Variants in DCBLD1 observed in about 807,000 individuals in gnomAD.
DCBLD1 encodes discoidin, CUB and LCCL domain-containing protein 1.
A neutral mutation model predicts 71.5 loss-of-function variants in DCBLD1; 57 were observed. The observed-to-expected ratio is 0.80, with a 90% CI of 0.64 to 0.99. The LOEUF (loss-of-function observed/expected upper bound fraction) is 0.99. DCBLD1 is among the 50% of genes least tolerant of loss of function. DCBLD1 has a pLI of 0.00. For synonymous variants in DCBLD1, 380 were observed against 363.8 expected, an observed-to-expected ratio of 1.04 and a Z score of -0.51; for missense variants, 891 against 923.5, an observed-to-expected ratio of 0.96 and a Z score of 0.46.
Position 117,545,533 on chromosome 6 carries a change from C to T in DCBLD1, c.1551C>T (p.Thr517=). The T allele has an allele frequency of 6.2e-7, 1 of 1,613,928 alleles. No homozygotes were observed. Among genetic ancestry groups the T allele is most frequent in the South Asian group, 1.1e-5 (1 of 91,050 alleles). The part of the protein sequence containing the change: ...PFARHQSAEF[T]ISYDNEKEMT... ...CCAGACATCAGTCAGCTGAGTTTAC[C>T]ATCAGCTATGATAATGAGAAGGAGA... Residue 517 remains threonine (T), a synonymous_variant, in exon 14 of 15, where the codon ACC becomes ACT. Transcript: ENST00000338728.
chr6:117,499,253 A>AAAAAAC lies in DCBLD1; in HGVS notation c.113-4510_113-4509insACAAAA, dbSNP rs1396538951. 6.0e-5 allele frequency among the ~76,000 whole-genome samples: 9 copies of AAAAAAC among 151,182 alleles called. No individual in the cohort carries two copies. The East Asian group carries it at 1.4e-3, about 23-fold the overall frequency. ...CCCCATCTCTACCAAAAAAAAAAAA[A>AAAAAAC]AAAATCTGCCAGGTGTGGTGGTGTG... On this transcript the variant is annotated intron_variant, in intron 1 of 14. Transcript: ENST00000338728.
chr6:117,556,242 G>A (rs1229097636), intron 14 of DCBLD1, among the ~76,000 whole-genome samples: 1 of 152,028 alleles, frequency 6.6e-6, no homozygotes, highest in Admixed American at 6.6e-5. Flanking sequence ...TATAGGTTTA[G>A]GGGGTAGAAG....
chr6:117,528,671 A>C (rs72963492), intron 5 of DCBLD1, among the ~76,000 whole-genome samples: 17,083 of 152,258 alleles, frequency 0.11, 1,123 homozygotes, highest in Middle Eastern at 0.17. Context: ...TGCCTGAGGC[A>C]TGAAGGTATT....
At chr6:117,504,866 A>G (rs1303896110) in intron 2 of DCBLD1, among the ~76,000 whole-genome samples, 1 of 152,198 alleles carries the variant, frequency 6.6e-6, no homozygotes, top group Non-Finnish European at 1.5e-5. Context: ...AACTTTTAAA[A>G]TGATATAGGT....
downstream of DCBLD1, chr6:117,549,860 C>T: frequency 1.0e-6 from 1 of 985,394 alleles, no homozygotes. Context: ...CAAGGTTCAG[C>T]TTCTGTAAAA....
chr6:117,564,565 A>G (rs1276306727), intron 14 of DCBLD1, among the ~76,000 whole-genome samples: 1 of 152,238 alleles, frequency 6.6e-6, no homozygotes, highest in African/African-American at 2.4e-5. Context: ...ATATATCTAT[A>G]AAGTATAGAC....
rs751823353 is a variant in DCBLD1 at position 117,548,137 on chromosome 6, T to A, written c.1846T>A (p.Ser616Thr). The A allele has an allele frequency of 1.5e-5, 24 of 1,549,950 alleles. No homozygotes were observed. The South Asian group carries it at 2.3e-4, about 15-fold the overall frequency. The change falls in exon 15 of 15, where the codon TCT becomes ACT. Residue 616 changes from serine (S) to threonine (T), a missense_variant. Transcript: ENST00000338728. ...GCACGTGCTGCGCGCCCACACGTTC[T>A]CTGCGCAGAGCGGCTACCGCGTCCC... ...ERHVLRAHTF[S>T]AQSGYRVPGP...
chr6:117,497,911 CACTTGTAA>C (rs1777523107), intron 1 of DCBLD1, among the ~76,000 whole-genome samples: 1 of 152,064 alleles, frequency 6.6e-6, no homozygotes, highest in Non-Finnish European at 1.5e-5. Flanking sequence ...AAATGAAAAT[CACTTGTAA>C]ACTTATACCA....
intron 11 of DCBLD1, among the ~76,000 whole-genome samples, chr6:117,542,764 C>T (rs897975457): frequency 1.3e-4 from 20 of 151,160 alleles, no homozygotes; most frequent in Non-Finnish European, 2.8e-4. Context: ...GTGCTTAAAT[C>T]ATTTACCTGT....
In DCBLD1 at chr6:117,539,398, G is replaced by C. The variant is rs200821669; in HGVS notation, c.1101+19G>C. 1 of 1,592,472 alleles carries C rather than the reference G, an allele frequency of 6.3e-7. No homozygotes were observed. Among genetic ancestry groups the C allele is most frequent in the Non-Finnish European group, 8.5e-7 (1 of 1,174,546 alleles). On this transcript the variant is annotated intron_variant, in intron 9 of 14. Coordinates refer to ENST00000338728, the MANE Select transcript of DCBLD1 (RefSeq NM_001366458.2). The stretch of plus-strand genomic sequence containing the variant: ...AGAAAAGGTAAGAGGTAACCCTAGA[G>C]GCAAGAGAACTGAGTAGGAGAACAG...
intron 11 of DCBLD1, among the ~76,000 whole-genome samples, chr6:117,541,647 C>T (rs1022126956): frequency 1.3e-4 from 20 of 151,952 alleles, no homozygotes; most frequent in Non-Finnish European, 2.6e-4. Context: ...ATTTGCATAT[C>T]AATTTTATAA....
At chr6:117,544,444 C>G in intron 12 of DCBLD1, 84 bp from the exon 13 acceptor site, 1 of 1,410,020 alleles carries the variant, frequency 7.1e-7, no homozygotes, top group Non-Finnish European at 9.8e-7. Flanking sequence ...GAGGTAAGTA[C>G]TATTATGATC....
intron 6 of DCBLD1, among the ~76,000 whole-genome samples, chr6:117,535,522 C>T (rs75926171): frequency 1.5e-4 from 23 of 152,164 alleles, no homozygotes; most frequent in Admixed American, 1.1e-3. Flanking sequence ...GTATTTAATT[C>T]GTTCAATGGA....
At chr6:117,538,098 T>G (rs1778961422) in intron 7 of DCBLD1, among the ~76,000 whole-genome samples, 1 of 152,244 alleles carries the variant, frequency 6.6e-6, no homozygotes, top group Non-Finnish European at 1.5e-5. Flanking sequence ...CAAATATTTC[T>G]TCTTTGCCTT....
At chr6:117,569,511 G>A (rs1779763708) in intron 14 of DCBLD1, 2 of 1,585,438 alleles carry the variant, frequency 1.3e-6, no homozygotes, top group African/African-American at 2.7e-5. Context: ...GAAGTATACA[G>A]TGTTCAATAG....
intron 1 of DCBLD1, among the ~76,000 whole-genome samples, chr6:117,500,905 T>C (rs1777634956): frequency 6.6e-6 from 1 of 151,946 alleles, no homozygotes; most frequent in Non-Finnish European, 1.5e-5. Flanking sequence ...TGCTGACACA[T>C]GTCACTTTAA....
intron 5 of DCBLD1, among the ~76,000 whole-genome samples, chr6:117,526,464 C>T (rs1465801295): frequency 6.6e-6 from 1 of 152,092 alleles, no homozygotes; most frequent in Non-Finnish European, 1.5e-5. Context: ...TATCATTTTC[C>T]TGTTCTATGC....
At chr6:117,537,663 T>C (rs13199436) in intron 7 of DCBLD1, among the ~76,000 whole-genome samples, 6 of 40,624 alleles carry the variant, frequency 1.5e-4, no homozygotes, top group Admixed American at 7.2e-4. Flanking sequence ...ACATAGCACC[T>C]TTTTTTTTTT....
intron 2 of DCBLD1, among the ~76,000 whole-genome samples, chr6:117,505,370 G>T (rs534263219): frequency 6.6e-6 from 1 of 152,160 alleles, no homozygotes; most frequent in Non-Finnish European, 1.5e-5. Flanking sequence ...CTGAGGAGGG[G>T]GTAAGTGTCA....
Sources: allele counts gnomAD v4.1 joint callset (sites outside exome capture counted in the v4.1 genomes callset), GRCh38; gene constraint gnomAD v4.1.1; transcripts MANE v1.5; gene names NCBI Gene and HGNC (gene_info 2026-07-23, HGNC 2026-07-21).